SORL1: variants seen among roughly 807,000 people sequenced by gnomAD.
SORL1 encodes the protein sortilin-related receptor.
SORL1 carries 127 observed loss-of-function variants against 273.7 expected under a neutral mutation model. The observed-to-expected ratio is 0.46, with a 90% CI of 0.40 to 0.54. SORL1 has a LOEUF of 0.54. Ranked by LOEUF, SORL1 falls within the 20% of genes least tolerant of loss-of-function variation. SORL1 has a pLI of 0.00. For missense variants in SORL1, 2,494 were observed against 2,846.1 expected (o/e 0.88, Z 2.81); for synonymous variants, 1,031 against 1,067.4 (o/e 0.97, Z 0.66).
chr11:121,527,514 C>T (rs188172628), intron 11 of SORL1, among the ~76,000 whole-genome samples: 3 of 151,972 alleles, frequency 2.0e-5, no homozygotes, highest in Admixed American at 2.0e-4. Flanking sequence ...TATCATAAAA[C>T]AAGCAGAGGG....
At chr11:121,468,269 T>C (rs1201090708) in intron 1 of SORL1, among the ~76,000 whole-genome samples, 2 of 151,842 alleles carry the variant, frequency 1.3e-5, no homozygotes, top group Non-Finnish European at 2.9e-5. Flanking sequence ...CGGGCTGGAG[T>C]CCCAGAAGCT....
chr11:121,623,819 T>C (rs969519858), intron 45 of SORL1, among the ~76,000 whole-genome samples: 32 of 152,214 alleles, frequency 2.1e-4, no homozygotes, highest in Non-Finnish European at 4.4e-5. Context: ...CCTTCTTCCC[T>C]TCCCCTGACA....
intron 6 of SORL1, among the ~76,000 whole-genome samples, chr11:121,512,076 G>GT (rs1210930396): frequency 2.6e-5 from 4 of 152,198 alleles, no homozygotes; most frequent in African/African-American, 9.6e-5. Flanking sequence ...ACCACACAGA[G>GT]TTTTTATAAT....
At chr11:121,488,323 T>A in intron 4 of SORL1, 130 bp downstream of exon 4, 1 of 914,754 alleles carries the variant, frequency 1.1e-6, no homozygotes. Flanking sequence ...CTAGCCTTTG[T>A]AGCTACTATT....
chr11:121,565,651 G>A (rs375238842), intron 21 of SORL1, among the ~76,000 whole-genome samples: 55 of 152,154 alleles, frequency 3.6e-4, no homozygotes, highest in African/African-American at 1.2e-3. Context: ...CCATTTTCAT[G>A]ATTAATAATT....
chr11:121,491,662 G>T (rs1385427595), intron 5 of SORL1, among the ~76,000 whole-genome samples: 1 of 152,036 alleles, frequency 6.6e-6, no homozygotes, highest in African/African-American at 2.4e-5. Flanking sequence ...AATCCTATTG[G>T]CTTCACCTTC....
intron 11 of SORL1, among the ~76,000 whole-genome samples, chr11:121,525,342 C>A (rs778952039): frequency 6.6e-6 from 1 of 152,140 alleles, no homozygotes; most frequent in Non-Finnish European, 1.5e-5. Context: ...AGGGATATAT[C>A]ATAATTTATT....
intron 47 of SORL1, chr11:121,629,212 G>A (rs1413619998): frequency 2.4e-6 from 1 of 418,422 alleles, no homozygotes; most frequent in Non-Finnish European, 4.3e-6. Flanking sequence ...CTTTTGAGTA[G>A]GTAATAAGAG....
intron 6 of SORL1, among the ~76,000 whole-genome samples, chr11:121,502,655 T>C (rs1861728928): frequency 6.6e-6 from 1 of 152,232 alleles, no homozygotes; most frequent in Non-Finnish European, 1.5e-5. Context: ...TGAACATCTT[T>C]TCACGTGGCT....
chr11:121,570,635 T>G lies in SORL1; in HGVS notation c.3337+365T>G, dbSNP rs138691018. 1.8e-3 allele frequency among the ~76,000 whole-genome samples: 274 copies of G among 152,334 alleles called. 2 individuals are homozygous for G. The highest frequency in any genetic ancestry group is 6.3e-3 in the African/African-American group (264 of 41,582). On this transcript the variant is annotated intron_variant, in intron 23 of 47. Transcript: ENST00000260197. ...GGGGCGAGTAAACAGGTGATATTCT[T>G]TGATTTGGAAATTCAATATTCAGCC... is the stretch of plus-strand genomic sequence containing the variant.
intron 12 of SORL1, among the ~76,000 whole-genome samples, chr11:121,540,865 C>T (rs1862337669): frequency 6.6e-6 from 1 of 152,228 alleles, no homozygotes; most frequent in African/African-American, 2.4e-5. Flanking sequence ...AGAGAATTAA[C>T]TTGGCAACGT....
rs1280839890 is a variant in SORL1 at position 121,550,195 on chromosome 11, C to G, written c.2180+107C>G. 8.5e-7 allele frequency: 1 copy of G among 1,170,456 alleles called. No homozygotes were observed. The highest frequency in any genetic ancestry group is 1.6e-5 in the African/African-American group (1 of 64,046). 72.5% of individuals were successfully genotyped at this position (1,170,456 alleles called of 1,614,324 possible). A position where few individuals can be genotyped will look rare whatever the true frequency, so the allele number is the denominator to read the frequency against. On this transcript the variant is annotated intron_variant, in intron 15 of 47. Transcript: ENST00000260197. This position sits in a 1 kb window ranked among gnomAD's most constrained non-coding sequence, Gnocchi z 5.3. The stretch of plus-strand genomic sequence containing the variant: ...CTCTACACTCGAAATTCTAGAATTC[C>G]AAGTTAACAGCCTGCAAGTAGTTTG...
chr11:121,547,749 G>A (rs1862455619), intron 14 of SORL1, among the ~76,000 whole-genome samples: 1 of 151,988 alleles, frequency 6.6e-6, no homozygotes, highest in African/African-American at 2.4e-5. Context: ...TGTAGCTGCT[G>A]GAAGGCAGCC....
chr11:121,518,319 A>G (rs1431711064), intron 8 of SORL1, among the ~76,000 whole-genome samples: 1 of 152,168 alleles, frequency 6.6e-6, no homozygotes, highest in Non-Finnish European at 1.5e-5. Context: ...GTAGACCCTC[A>G]GAGAAAGTAC....
At chr11:121,527,523 G>C (rs1201256431) in intron 11 of SORL1, among the ~76,000 whole-genome samples, 5 of 151,934 alleles carry the variant, frequency 3.3e-5, no homozygotes, top group South Asian at 2.1e-4. Context: ...ACAAGCAGAG[G>C]GGTAAACCCC....
In SORL1 at chr11:121,629,529, G is replaced by C; in HGVS notation, c.6611G>C (p.Gly2204Ala). 1.3e-6 allele frequency: 2 copies of C among 1,589,964 alleles called. No homozygotes were observed. Among genetic ancestry groups the C allele is most frequent in the Non-Finnish European group, 1.7e-6 (2 of 1,157,944 alleles). The change falls in exon 48 of 48, where the codon GGA (glycine) becomes GCA (alanine). Residue 2204 changes from glycine (G) to alanine (A), a missense_variant. Coordinates refer to ENST00000260197, the MANE Select transcript of SORL1 (RefSeq NM_003105.6). ...EDDEDAPMITGFSDDVPMVIA is the reference protein window; with the variant it reads ...EDDEDAPMITAFSDDVPMVIA ...GATGAAGATGCCCCTATGATAACTG[G>C]ATTTTCAGATGACGTCCCCATGGTG...
chr11:121,608,357 G>C, intron 38 of SORL1, 181 bp downstream of exon 38: 1 of 582,994 alleles, frequency 1.7e-6, no homozygotes, highest in Non-Finnish European at 3.0e-6. Flanking sequence ...TCTTTTTGGG[G>C]TGACTGAGTG....
intron 12 of SORL1, among the ~76,000 whole-genome samples, chr11:121,537,592 A>G (rs904795571): frequency 6.6e-6 from 1 of 152,210 alleles, no homozygotes; most frequent in Non-Finnish European, 1.5e-5. Flanking sequence ...ACATATTACA[A>G]TATCTGGTGC....
intron 25 of SORL1, among the ~76,000 whole-genome samples, chr11:121,580,422 A>G (rs1047490265): frequency 3.9e-5 from 6 of 152,232 alleles, no homozygotes; most frequent in African/African-American, 1.4e-4. Flanking sequence ...TGTTTCACAT[A>G]TACATGGAGC....
Sources: allele counts gnomAD v4.1 joint callset (sites outside exome capture counted in the v4.1 genomes callset), GRCh38; gene constraint gnomAD v4.1.1; non-coding constraint Gnocchi (gnomAD v3.1); transcripts MANE v1.5; gene names NCBI Gene and HGNC (gene_info 2026-07-23, HGNC 2026-07-21).